The following FANCA variants were observed in gnomAD, a reference collection of about 807,000 sequenced individuals.
The protein encoded by FANCA is Fanconi anemia group A protein.
Under a neutral mutation model 194.3 loss-of-function variants are expected in FANCA, and 236 were observed. The ratio of observed to expected loss-of-function variants is 1.21; its 90% CI spans 1.09 to 1.35. The LOEUF (loss-of-function observed/expected upper bound fraction) is 1.35, where lower values mean the gene tolerates loss of function less well. FANCA is among the 40% of genes most tolerant of loss of function. The probability of loss-of-function intolerance (pLI) is 0.00; values close to 1 mark genes in which losing one functional copy is unlikely to be tolerated. For synonymous variants in FANCA, 1,014 were observed against 715.8 expected, an observed-to-expected ratio of 1.42 and a Z score of -6.65; for missense variants, 2,628 against 1,813.9, an observed-to-expected ratio of 1.45 and a Z score of -8.15.
intron 29 of FANCA, 95 bp from the exon 30 acceptor site, chr16:89,758,800 G>A (rs1359570677): frequency 4.4e-6 from 7 of 1,573,344 alleles, no homozygotes; most frequent in African/African-American, 4.1e-5. Flanking sequence ...GGGACACACA[G>A]CACTAGTGAG....
At chr16:89,762,585 A>C (rs1445666705) in intron 28 of FANCA, 1 of 219,794 alleles carries the variant, frequency 4.5e-6, no homozygotes. Context: ...AAAAAAAAAG[A>C]AAAAAGAAAC....
At chr16:89,802,454 TAC>T in intron 8 of FANCA, among the ~76,000 whole-genome samples, 1 of 151,400 alleles carries the variant, frequency 6.6e-6, no homozygotes, top group South Asian at 2.1e-4. Context: ...TAGGCTGGAA[TAC>T]AGTGACACGA....
chr16:89,798,722 G>C (rs1433311365), intron 10 of FANCA: 1 of 1,331,472 alleles, frequency 7.5e-7, no homozygotes, highest in Non-Finnish European at 9.7e-7. Flanking sequence ...GCCTACTGGT[G>C]AATCTGAGCA....
At chr16:89,740,636 C>CAAAAAAAA (rs371709074) in intron 38 of FANCA, 168 bp downstream of exon 38, 60 of 461,286 alleles carry the variant, frequency 1.3e-4, no homozygotes, top group East Asian at 3.2e-4. Context: ...ACCCCCATCT[C>CAAAAAAAA]AAAAAAAAAA....
chr16:89,805,528 C>G (rs2040609231), intron 6 of FANCA, 136 bp from the exon 7 acceptor site: 10 of 673,152 alleles, frequency 1.5e-5, no homozygotes, highest in South Asian at 4.5e-5. Context: ...GTGGCGCAAT[C>G]AGTCACTGCA....
Position 89,742,799 on chromosome 16 carries a change from CCT to C in FANCA, c.3764_3765del (p.Glu1255AlafsTer22). ...ATCAGTAAAAGAATTTCCTATCTTGCCTCCTCTCTCTCGCAGTCCAGCTTCTT... is the reference window on the plus strand; with the variant it reads ...ATCAGTAAAAGAATTTCCTATCTTGCCCTCTCTCTCGCAGTCCAGCTTCTT... Reference protein sequence around the residue: ...QLKKLDCEREELLVFLFFFSL... With the variant: ...QLKKLDCEREXLLVFLFFFSL... On this transcript the variant is annotated frameshift_variant and splice_region_variant, in exon 37 of 43. Transcript: ENST00000389301. LOFTEE classifies it high-confidence loss of function. The C allele has an allele frequency of 1.9e-6, 3 of 1,613,956 alleles. No homozygotes were observed. Among genetic ancestry groups the C allele is most frequent in the Non-Finnish European group, 2.5e-6 (3 of 1,179,940 alleles).
At chr16:89,748,869 G>A (rs1405584445) in intron 32 of FANCA, 102 bp from the exon 33 acceptor site, 37 of 949,784 alleles carry the variant, frequency 3.9e-5, no homozygotes, top group Admixed American at 1.2e-4. Flanking sequence ...CTGAAACCCA[G>A]GGCCACTGTT....
At chr16:89,787,566 C>A (rs2039939779) in intron 14 of FANCA, among the ~76,000 whole-genome samples, 1 of 151,860 alleles carries the variant, frequency 6.6e-6, no homozygotes, top group Non-Finnish European at 1.5e-5. Flanking sequence ...GACACTATGT[C>A]CACAAAAAAT....
intron 5 of FANCA, among the ~76,000 whole-genome samples, chr16:89,809,864 A>T (rs1311908350): frequency 6.6e-6 from 1 of 151,332 alleles, no homozygotes; most frequent in Non-Finnish European, 1.5e-5. Flanking sequence ...AAAAAAAAAA[A>T]AAGATACAAA....
chr16:89,812,687 G>A (rs574708552), intron 3 of FANCA, among the ~76,000 whole-genome samples: 22 of 133,392 alleles, frequency 1.6e-4, no homozygotes, highest in African/African-American at 5.2e-4. Context: ...ACTGCAGTAC[G>A]AACCTGTTAT....
chr16:89,767,618 G>A (rs573286870), intron 26 of FANCA, among the ~76,000 whole-genome samples: 10 of 152,116 alleles, frequency 6.6e-5, no homozygotes, highest in East Asian at 5.8e-4. Flanking sequence ...GTGCGATTTC[G>A]GCTCACTGCA....
At chr16:89,799,789 C>G in intron 8 of FANCA, 151 bp from the exon 9 acceptor site, 2 of 692,096 alleles carry the variant, frequency 2.9e-6, no homozygotes, top group Non-Finnish European at 5.2e-6. Context: ...GTCAGGAGAT[C>G]GAGACCATCC....
At chr16:89,779,810 T>G (rs1370328936) in intron 18 of FANCA, 59 bp downstream of exon 18, 1 of 1,413,302 alleles carries the variant, frequency 7.1e-7, no homozygotes. Flanking sequence ...ACTGCAGGCA[T>G]CAGAGCGCGG....
Position 89,739,464 on chromosome 16 carries a change from G to C in FANCA, c.4010+14C>G. ...ACACTGCCCAGCCCTGACCAGCCCT[G>C]TGGGTGGAGGTACCTGTAAAAAGCG... is the stretch of plus-strand genomic sequence containing the variant. On this transcript the variant is annotated intron_variant, in intron 40 of 42. Transcript: ENST00000389301. 1 of 1,551,668 alleles carries C rather than the reference G, an allele frequency of 6.4e-7. No homozygotes were observed. The highest frequency in any genetic ancestry group is 2.0e-4 in the Middle Eastern group (1 of 5,112).
chr16:89,738,790 G>A (rs753048298), intron 42 of FANCA, 82 bp from the exon 43 acceptor site: 20 of 1,613,092 alleles, frequency 1.2e-5, no homozygotes, highest in Middle Eastern at 1.6e-4. Flanking sequence ...AGAAATAGTC[G>A]AGTTGTATTG....
chr16:89,791,286 G>A, intron 14 of FANCA, 117 bp downstream of exon 14: 1 of 1,404,884 alleles, frequency 7.1e-7, no homozygotes, highest in Admixed American at 2.0e-5. Context: ...ACTCGGCAAA[G>A]CTGACAGCAA....
chr16:89,773,710 G>C (rs1269872136), intron 21 of FANCA, among the ~76,000 whole-genome samples: 1 of 151,984 alleles, frequency 6.6e-6, no homozygotes, highest in Admixed American at 6.6e-5. Context: ...GGAGGATCGA[G>C]GGCTGGCGAG....
chr16:89,814,488 T>C lies in FANCA; in HGVS notation c.283+32A>G, dbSNP rs1381174258. The stretch of plus-strand genomic sequence containing the variant: ...TTACTATATAAAAACCCTTCTGCAA[T>C]TCAAAATAGAGAAAATGAAGCTATA... On this transcript the variant is annotated intron_variant, in intron 3 of 42. Transcript: ENST00000389301. The C allele has an allele frequency of 4.0e-6, 6 of 1,498,812 alleles. No individual in the cohort carries two copies. The African/African-American group carries it at 4.1e-5, about 10-fold the overall frequency. 92.8% of individuals were successfully genotyped at this position (1,498,812 alleles called of 1,614,324 possible).
At chr16:89,767,305 T>C (rs1200367431) in intron 26 of FANCA, 68 bp from the exon 27 acceptor site, 4 of 1,139,770 alleles carry the variant, frequency 3.5e-6, no homozygotes, top group East Asian at 2.4e-5. Context: ...AAAAGTTACT[T>C]TGAATTTCAT....
Sources: gnomAD v4.1 joint callset for allele counts (sites outside exome capture counted in the v4.1 genomes callset) on GRCh38, gnomAD v4.1.1 for gene constraint, MANE v1.5 for transcripts, NCBI Gene and HGNC (gene_info 2026-07-23, HGNC 2026-07-21) for gene names.